FKBP9: variants seen among roughly 807,000 people sequenced by gnomAD.
FKBP9 encodes peptidyl-prolyl cis-trans isomerase FKBP9.
In FKBP9, 27 loss-of-function variants were observed where a neutral mutation model predicts 55.6. That is an observed-to-expected ratio of 0.49 (90% CI 0.36 to 0.67). The LOEUF (loss-of-function observed/expected upper bound fraction) is 0.67, where lower values mean the gene tolerates loss of function less well. Among genes scored for constraint, FKBP9 ranks in the 30% least tolerant of loss-of-function variants. The pLI is 0.00. For missense variants in FKBP9, 539 were observed against 742.8 expected (o/e 0.73, Z 3.19); for synonymous variants, 267 against 296.5 (o/e 0.90, Z 1.02).
chr7:32,999,475 CTTT>C (rs528265138), intron 7 of FKBP9, among the ~76,000 whole-genome samples: 10 of 128,396 alleles, frequency 7.8e-5, no homozygotes, highest in Non-Finnish European at 8.6e-5. Flanking sequence ...TCTTGGTGGT[CTTT>C]TTTTTTTTTT....
At chr7:32,981,655 C>G (rs1438520060) in intron 5 of FKBP9, among the ~76,000 whole-genome samples, 1 of 152,140 alleles carries the variant, frequency 6.6e-6, no homozygotes, top group East Asian at 1.9e-4. Context: ...CCTAGGATCT[C>G]TTTTAAATTT....
At chr7:32,996,955 T>C (rs946479599) in intron 7 of FKBP9, among the ~76,000 whole-genome samples, 69 of 150,882 alleles carry the variant, frequency 4.6e-4, no homozygotes, top group African/African-American at 1.4e-3. Flanking sequence ...CCACCGCGCC[T>C]GGCTAATTTT....
intron 7 of FKBP9, among the ~76,000 whole-genome samples, chr7:32,996,599 T>G (rs1784792026): frequency 6.7e-6 from 1 of 150,016 alleles, no homozygotes; most frequent in Non-Finnish European, 1.5e-5. Flanking sequence ...ATCGTATAAC[T>G]GCTATCTTTC....
intron 5 of FKBP9, among the ~76,000 whole-genome samples, chr7:32,983,353 C>T (rs1442212979): frequency 1.4e-5 from 2 of 144,662 alleles, no homozygotes; most frequent in Admixed American, 1.4e-4. Context: ...CTTGCTTTGT[C>T]ACCCAGGCTG....
At chr7:32,962,715 T>C (rs998546107) in intron 1 of FKBP9, among the ~76,000 whole-genome samples, 1 of 152,080 alleles carries the variant, frequency 6.6e-6, no homozygotes, top group Admixed American at 6.6e-5. Context: ...CCAACAGATA[T>C]TTACTGAGTA....
At chr7:32,999,032 C>G (rs1784873282) in intron 7 of FKBP9, among the ~76,000 whole-genome samples, 1 of 152,210 alleles carries the variant, frequency 6.6e-6, no homozygotes, top group Non-Finnish European at 1.5e-5. Flanking sequence ...TGTCATAAGA[C>G]TTTGCAACTG....
intron 4 of FKBP9, among the ~76,000 whole-genome samples, chr7:32,979,839 TTC>T (rs1784439911): frequency 6.6e-6 from 1 of 152,070 alleles, no homozygotes; most frequent in Non-Finnish European, 1.5e-5. Context: ...TGCCATTTTT[TTC>T]TCTGTTATTC....
chr7:32,964,292 C>T (rs1332137219), intron 1 of FKBP9, among the ~76,000 whole-genome samples: 6 of 152,082 alleles, frequency 3.9e-5, no homozygotes, highest in African/African-American at 9.7e-5. Context: ...TGGGTCATTG[C>T]GAGCAATTAC....
At chr7:32,965,867 A>ATG (rs1784135995) in intron 1 of FKBP9, among the ~76,000 whole-genome samples, 4 of 41,976 alleles carry the variant, frequency 9.5e-5, no homozygotes, top group South Asian at 1.1e-3. Context: ...ATATATATAT[A>ATG]CATACATATA....
intron 6 of FKBP9, among the ~76,000 whole-genome samples, chr7:32,993,844 T>G (rs2127987424): frequency 6.6e-6 from 1 of 152,300 alleles, no homozygotes; most frequent in South Asian, 2.1e-4. Flanking sequence ...CATTTCTGGC[T>G]AATAAATTTC....
intron 6 of FKBP9, among the ~76,000 whole-genome samples, chr7:32,992,556 G>A (rs563546287): frequency 1.3e-5 from 2 of 152,240 alleles, no homozygotes; most frequent in East Asian, 1.9e-4. Context: ...TTGGAGCCAC[G>A]TTGGACTATT....
At chr7:32,983,639 GATA>G (rs1321255263) in intron 5 of FKBP9, among the ~76,000 whole-genome samples, 2 of 152,134 alleles carry the variant, frequency 1.3e-5, no homozygotes, top group African/African-American at 2.4e-5. Context: ...TATACCTTTT[GATA>G]CATACTACCA....
intron 6 of FKBP9, among the ~76,000 whole-genome samples, chr7:32,990,933 TC>T (rs1445446827): frequency 6.7e-6 from 1 of 149,976 alleles, no homozygotes; most frequent in Non-Finnish European, 1.5e-5. Context: ...AATATTTTTT[TC>T]TCCCTGACTT....
intron 4 of FKBP9, among the ~76,000 whole-genome samples, chr7:32,978,900 A>G (rs1271484297): frequency 2.0e-5 from 3 of 152,220 alleles, no homozygotes; most frequent in Non-Finnish European, 2.9e-5. Flanking sequence ...GGTGAACTGT[A>G]TGGTATGTGA....
chr7:32,977,925 T>C (rs377304244), intron 4 of FKBP9, among the ~76,000 whole-genome samples: 2,039 of 111,978 alleles, frequency 0.018, 74 homozygotes, highest in African/African-American at 0.083. Context: ...ATATATACAC[T>C]TTTTTTTTTT....
chr7:32,995,149 A>G (rs1340455030), intron 6 of FKBP9: 1 of 151,924 alleles, frequency 6.6e-6, no homozygotes, highest in Non-Finnish European at 1.5e-5. Flanking sequence ...TTTTTTGTAG[A>G]GACATTTGGC....
In FKBP9 at chr7:33,006,645, A is replaced by T. The variant is rs1156779580; in HGVS notation, c.*1294A>T. The T allele has an allele frequency of 9.3e-6, 2 of 215,714 alleles. No homozygotes were observed. Among genetic ancestry groups the T allele is most frequent in the Non-Finnish European group, 1.9e-5 (2 of 106,878 alleles). The allele number at this position is 215,714 out of a possible 1,614,324, so 13.4% of individuals were successfully genotyped here. Reference sequence around the variant, plus strand: ...TGTCCTGGAGACGGTGGTACCCTGAAGGCAGAGGCCAGCTGCCGCAAGACA... The same window carrying T: ...TGTCCTGGAGACGGTGGTACCCTGATGGCAGAGGCCAGCTGCCGCAAGACA... On this transcript the variant is annotated 3_prime_UTR_variant, in exon 10 of 10. Transcript: ENST00000242209.
chr7:32,995,122 C>G (rs1187507800), intron 6 of FKBP9: 1 of 151,912 alleles, frequency 6.6e-6, no homozygotes, highest in African/African-American at 2.4e-5. Flanking sequence ...AAGTGCTCAC[C>G]ACCACGCCCA....
chr7:32,988,367 G>C (rs1449951717), intron 5 of FKBP9, 140 bp from the exon 6 acceptor site: 7 of 767,000 alleles, frequency 9.1e-6, no homozygotes, highest in Non-Finnish European at 1.5e-5. Context: ...TTTCCTGGCT[G>C]TGTCGTCAGA....
Sources: gnomAD v4.1 joint callset for allele counts (sites outside exome capture counted in the v4.1 genomes callset) on GRCh38, gnomAD v4.1.1 for gene constraint, MANE v1.5 for transcripts, NCBI Gene and HGNC (gene_info 2026-07-23, HGNC 2026-07-21) for gene names.